Variants in RSPRY1 observed in about 807,000 individuals in gnomAD.
RSPRY1 encodes RING finger and SPRY domain-containing protein 1.
In RSPRY1, 23 loss-of-function variants were observed where a neutral mutation model predicts 73.1. That is an observed-to-expected ratio of 0.31 (90% confidence interval 0.23 to 0.45). The LOEUF is 0.45. RSPRY1 is among the 20% of genes least tolerant of loss of function. The probability of loss-of-function intolerance (pLI) is 1.00; values close to 1 mark genes in which losing one functional copy is unlikely to be tolerated. For missense variants in RSPRY1, 448 were observed against 698.7 expected (o/e 0.64, Z 4.05); for synonymous variants, 226 against 251.4 (o/e 0.90, Z 0.95).
intron 14 of RSPRY1, among the ~76,000 whole-genome samples, chr16:57,237,333 G>A (rs540718609): frequency 1.4e-3 from 209 of 151,994 alleles, no homozygotes; most frequent in East Asian, 4.7e-3. Context: ...TAGTAGAGAC[G>A]GGGTTTCACC....
chr16:57,205,100 T>C (rs2074700328), intron 2 of RSPRY1, 92 bp downstream of exon 2: 2 of 905,260 alleles, frequency 2.2e-6, no homozygotes, highest in Non-Finnish European at 3.4e-6. Context: ...CTTTAGGACA[T>C]ACTCGCCAAG....
chr16:57,197,395 G>T (rs890567873), intron 1 of RSPRY1, among the ~76,000 whole-genome samples: 2 of 152,140 alleles, frequency 1.3e-5, no homozygotes, highest in Non-Finnish European at 2.9e-5. Flanking sequence ...AACAGCTCTT[G>T]ATTTTTCCTT....
At chr16:57,227,254 T>G in intron 10 of RSPRY1, 88 bp from the exon 11 acceptor site, 3 of 829,096 alleles carry the variant, frequency 3.6e-6, no homozygotes, top group South Asian at 1.4e-5. Flanking sequence ...ATCCCAGCCA[T>G]TAGGTCAGTG....
At chr16:57,206,339 C>G (rs1166086888) in intron 2 of RSPRY1, among the ~76,000 whole-genome samples, 1 of 152,076 alleles carries the variant, frequency 6.6e-6, no homozygotes, top group Non-Finnish European at 1.5e-5. Context: ...CCAGGAGTTT[C>G]CAGCTGCAGT....
chr16:57,231,581 C>A (rs1349182345), intron 13 of RSPRY1, among the ~76,000 whole-genome samples: 2 of 152,090 alleles, frequency 1.3e-5, no homozygotes, highest in African/African-American at 2.4e-5. Flanking sequence ...AACAGATAAC[C>A]TTATTGTTAT....
Position 57,193,911 on chromosome 16 carries a change from C to G in RSPRY1, c.-156+7460C>G, listed in dbSNP as rs181486762. Among the ~76,000 whole-genome samples the G allele has an allele frequency of 4.0e-3, 608 of 152,210 alleles. 8 individuals are homozygous for G. The highest frequency in any genetic ancestry group is 3.4e-3 in the Middle Eastern group (1 of 294). On this transcript the variant is annotated intron_variant, in intron 1 of 14. Coordinates refer to ENST00000394420, the MANE Select transcript of RSPRY1 (RefSeq NM_133368.3). ...TGAAACCCCATCTCTACTGAAAACA[C>G]AAACATTAGCTGGGTGTGGTGGCAT...
chr16:57,216,877 A>G lies in RSPRY1; in HGVS notation c.770-27A>G, dbSNP rs758269200. On this transcript the variant is annotated intron_variant, in intron 7 of 14. Coordinates refer to ENST00000394420, the MANE Select transcript of RSPRY1 (RefSeq NM_133368.3). ...AAATCATTCTACCCTTTCATTGTTA[A>G]TTCAAGGATTATGTCTTTCCAAACA... 1.1e-5 allele frequency: 18 copies of G among 1,606,052 alleles called. No homozygotes were observed. In the East Asian group the frequency reaches 3.3e-4, roughly 30 times the overall value.
chr16:57,226,939 G>A (rs2075129948), intron 10 of RSPRY1, among the ~76,000 whole-genome samples: 1 of 152,190 alleles, frequency 6.6e-6, no homozygotes, highest in Non-Finnish European at 1.5e-5. Flanking sequence ...ACTGATCTTG[G>A]AATCAGAAGA....
rs536434165 is a variant in RSPRY1 at position 57,239,955 on chromosome 16, G to A, written c.*980G>A. The A allele has an allele frequency of 2.0e-5, 3 of 152,206 alleles. No homozygotes were observed. In the East Asian group the frequency reaches 5.8e-4, roughly 29 times the overall value. The allele number at this position is 152,206 out of a possible 1,614,324, so 9.4% of individuals were successfully genotyped here. A position where few individuals can be genotyped will look rare whatever the true frequency, so the allele number is the denominator to read the frequency against. On this transcript the variant is annotated 3_prime_UTR_variant, in exon 15 of 15. Transcript: ENST00000394420. ...CTAAATAAATACATGTTTTTGAATA[G>A]TTCAATCATGAATTATTGACTATGT... is the stretch of plus-strand genomic sequence containing the variant.
In RSPRY1 at chr16:57,204,762, G is replaced by T. The variant is rs780028458; in HGVS notation, c.104G>T (p.Gly35Val). 1.2e-6 allele frequency: 2 copies of T among 1,614,054 alleles called. No homozygotes were observed. The highest frequency in any genetic ancestry group is 4.5e-5 in the East Asian group (2 of 44,900). Residue 35 changes from glycine (G) to valine (V), a missense_variant, in exon 2 of 15, where the codon GGT becomes GTT. Transcript: ENST00000394420. ...ATAGCCCACTTCCTAGGGACTGGAG[G>T]TGCCGCTACTACCATGGGTAATTCC... ...EHIAHFLGTG[G>V]AATTMGNSCI...
At chr16:57,193,737 A>G (rs1260640341) in intron 1 of RSPRY1, among the ~76,000 whole-genome samples, 2 of 152,192 alleles carry the variant, frequency 1.3e-5, no homozygotes, top group Non-Finnish European at 1.5e-5. Context: ...AGGTATATGC[A>G]TTTGATAAAA....
At position 57,227,521 on chromosome 16, in the gene RSPRY1, T is replaced by C. The variant is rs887451380; in HGVS notation, c.1273+68T>C. On this transcript the variant is annotated intron_variant, in intron 11 of 14. Coordinates refer to ENST00000394420, the MANE Select transcript of RSPRY1 (RefSeq NM_133368.3). ...CATCTGGTTATTATGAGGCATTTAT[T>C]ACATTAAGCCTTAAAATGTCTTAGG... The C allele has an allele frequency of 2.5e-5, 27 of 1,088,348 alleles. No homozygotes were observed. In the African/African-American group the frequency reaches 4.2e-4, roughly 17 times the overall value. 67.4% of individuals were successfully genotyped at this position (1,088,348 alleles called of 1,614,324 possible).
At chr16:57,215,441 T>G (rs1220987413) in intron 6 of RSPRY1, among the ~76,000 whole-genome samples, 1 of 152,170 alleles carries the variant, frequency 6.6e-6, no homozygotes, top group Non-Finnish European at 1.5e-5. Flanking sequence ...CATCTGATGT[T>G]CTGGAGCTCC....
chr16:57,186,176 G>C, upstream of RSPRY1: 1 of 985,746 alleles, frequency 1.0e-6, no homozygotes, highest in Non-Finnish European at 1.2e-6. Context: ...ATGAGGACTG[G>C]CCAGTCTGCG....
intron 1 of RSPRY1, among the ~76,000 whole-genome samples, chr16:57,201,563 G>T (rs1483856276): frequency 6.6e-6 from 1 of 152,202 alleles, no homozygotes; most frequent in Non-Finnish European, 1.5e-5. Context: ...GGTGGCGGCC[G>T]GGCAGAGGCT....
intron 1 of RSPRY1, among the ~76,000 whole-genome samples, chr16:57,189,516 A>AAGTGTG (rs1468713244): frequency 1.3e-5 from 2 of 151,814 alleles, no homozygotes; most frequent in African/African-American, 4.8e-5. Context: ...AAAAAAAAAA[A>AAGTGTG]AGTGTGTTTT....
chr16:57,186,402 G>GCGCCGCCGC lies in RSPRY1; in HGVS notation c.-197_-189dup, dbSNP rs769459201. On this transcript the variant is annotated 5_prime_UTR_variant, in exon 1 of 15. Coordinates refer to ENST00000394420, the MANE Select transcript of RSPRY1 (RefSeq NM_133368.3). ...CTCTCGGACCTGTCACAAAGGAGTC[G>GCGCCGCCGC]CGCCGCCGCCGCCGCCCCCTCCCTC... 33 of 159,908 alleles carry GCGCCGCCGC rather than the reference G, an allele frequency of 2.1e-4. 4 individuals are homozygous for GCGCCGCCGC. In the South Asian group the frequency reaches 5.0e-3, roughly 24 times the overall value. 9.9% of individuals were successfully genotyped at this position (159,908 alleles called of 1,614,324 possible).
At chr16:57,203,626 G>A (rs1567492592) in intron 1 of RSPRY1, among the ~76,000 whole-genome samples, 1 of 152,148 alleles carries the variant, frequency 6.6e-6, no homozygotes, top group Non-Finnish European at 1.5e-5. Context: ...CTTTCATTAG[G>A]TTTTTAATGA....
rs1413171098 is a variant in RSPRY1, at chr16:57,239,558, T to G, written c.*583T>G. 1 of 151,922 alleles carries G rather than the reference T, an allele frequency of 6.6e-6. No homozygotes were observed. Among genetic ancestry groups the G allele is most frequent in the Non-Finnish European group, 1.5e-5 (1 of 67,996 alleles). The allele number at this position is 151,922 out of a possible 1,614,324, so 9.4% of individuals were successfully genotyped here. On this transcript the variant is annotated 3_prime_UTR_variant, in exon 15 of 15. Coordinates refer to ENST00000394420, the MANE Select transcript of RSPRY1 (RefSeq NM_133368.3). The stretch of plus-strand genomic sequence containing the variant: ...TAAGAAAAAACCCAAGTTTGTGATA[T>G]TTCAGTGATTCCAAAGAACATTCTA...
Sources: allele counts gnomAD v4.1 joint callset (sites outside exome capture counted in the v4.1 genomes callset), GRCh38; gene constraint gnomAD v4.1.1; transcripts MANE v1.5; gene names NCBI Gene and HGNC (gene_info 2026-07-23, HGNC 2026-07-21).